The following CLASP2 variants were observed in gnomAD, a reference collection of about 807,000 sequenced individuals.
The protein encoded by CLASP2 is CLIP-associating protein 2.
Under a neutral mutation model 194.4 loss-of-function variants are expected in CLASP2, and 47 were observed. That is an observed-to-expected ratio of 0.24 (90% CI 0.19 to 0.31). The LOEUF (loss-of-function observed/expected upper bound fraction) is 0.31, where lower values mean the gene tolerates loss of function less well. Ranked by LOEUF, CLASP2 falls within the 10% of genes least tolerant of loss-of-function variation. The pLI is 1.00. For missense variants in CLASP2, 1,445 were observed against 1,823.6 expected (o/e 0.79, Z 3.78); for synonymous variants, 619 against 633.5 (o/e 0.98, Z 0.34).
chr3:33,555,405 AC>A (rs893793886), intron 29 of CLASP2, among the ~76,000 whole-genome samples: 37 of 149,472 alleles, frequency 2.5e-4, no homozygotes, highest in African/African-American at 9.1e-4. Context: ...TCATTCTGTC[AC>A]CCAGGGTAGA....
At chr3:33,599,797 TAAG>T (rs1488568442) in intron 18 of CLASP2, among the ~76,000 whole-genome samples, 1 of 151,632 alleles carries the variant, frequency 6.6e-6, no homozygotes, top group Non-Finnish European at 1.5e-5. Context: ...GGAAGGAGGG[TAAG>T]AAGGAGAACA....
intron 8 of CLASP2, among the ~76,000 whole-genome samples, chr3:33,638,132 A>AT (rs1245867230): frequency 3.3e-5 from 5 of 152,146 alleles, no homozygotes; most frequent in African/African-American, 1.2e-4. Context: ...AAAACCTAAT[A>AT]TGAGTGCCTA....
At chr3:33,504,739 T>A (rs147908431) in intron 37 of CLASP2, 1 of 152,342 alleles carries the variant, frequency 6.6e-6, no homozygotes, top group Admixed American at 6.5e-5. Context: ...CATTAGATTC[T>A]CATAAGAAGC....
At chr3:33,707,607 C>A (rs1266663074) in intron 1 of CLASP2, among the ~76,000 whole-genome samples, 1 of 152,124 alleles carries the variant, frequency 6.6e-6, no homozygotes, top group Non-Finnish European at 1.5e-5. Flanking sequence ...AGCTTGTGTG[C>A]CTTCCATATC....
chr3:33,510,519 T>C (rs1014728766), intron 37 of CLASP2, 39 bp downstream of exon 37: 6 of 1,579,640 alleles, frequency 3.8e-6, no homozygotes, highest in Non-Finnish European at 4.3e-6. Context: ...GTATCCCAAA[T>C]GTATCATGGC....
chr3:33,613,974 A>C (rs2075668030), intron 12 of CLASP2, among the ~76,000 whole-genome samples: 1 of 152,264 alleles, frequency 6.6e-6, no homozygotes, highest in Non-Finnish European at 1.5e-5. Context: ...TTACAGATGA[A>C]GCATTCAATC....
intron 29 of CLASP2, among the ~76,000 whole-genome samples, chr3:33,557,687 G>A (rs919277030): frequency 3.9e-5 from 6 of 152,152 alleles, no homozygotes; most frequent in African/African-American, 1.4e-4. Context: ...CACTGCCTTG[G>A]TCATAAAATG....
chr3:33,679,720 C>T (rs945386185), intron 6 of CLASP2, among the ~76,000 whole-genome samples: 1 of 152,132 alleles, frequency 6.6e-6, no homozygotes, highest in African/African-American at 2.4e-5. Flanking sequence ...AAACCCAAAA[C>T]ACTGACAAGA....
intron 6 of CLASP2, 106 bp downstream of exon 6, chr3:33,684,252 AT>A (rs1213265966): frequency 3.0e-4 from 172 of 575,620 alleles, no homozygotes; most frequent in East Asian, 5.8e-4. Flanking sequence ...TCTCAAAAAA[AT>A]AAATAAATAA....
At chr3:33,498,802 T>C in intron 38 of CLASP2, 85 bp from the exon 39 acceptor site, 1 of 663,442 alleles carries the variant, frequency 1.5e-6, no homozygotes. Context: ...TACATATATG[T>C]GAGCTCTGAA....
At chr3:33,613,904 A>C (rs2075651477) in intron 12 of CLASP2, among the ~76,000 whole-genome samples, 1 of 152,220 alleles carries the variant, frequency 6.6e-6, no homozygotes. Flanking sequence ...AACTAACCTA[A>C]CCATTGCTAC....
chr3:33,638,254 G>A (rs929947627), intron 8 of CLASP2, among the ~76,000 whole-genome samples: 4 of 151,976 alleles, frequency 2.6e-5, no homozygotes, highest in Admixed American at 1.3e-4. Flanking sequence ...AAAACTCTCC[G>A]TTGTTTGATT....
intron 34 of CLASP2, 82 bp from the exon 35 acceptor site, chr3:33,517,256 AAC>A (rs1431335061): frequency 2.0e-6 from 2 of 1,005,182 alleles, no homozygotes; most frequent in African/African-American, 3.3e-5. Context: ...TATATGATGA[AAC>A]ACAGATATAA....
Position 33,543,642 on chromosome 3 carries a change from G to A in CLASP2, c.3298-103C>T. 6 of 682,594 alleles carry A rather than the reference G, an allele frequency of 8.8e-6. No individual in the cohort carries two copies. The South Asian group carries it at 9.2e-5, about 10-fold the overall frequency. 42.3% of individuals were successfully genotyped at this position (682,594 alleles called of 1,614,324 possible). ...ACATTAGGTTGAACCATATTAAAGG[G>A]CCATATTTACAGGTCAATATTTTAA... On this transcript the variant is annotated intron_variant, in intron 31 of 38. Transcript: ENST00000682230.
rs117999989 is a variant in CLASP2, at chr3:33,579,004, C to T, written c.2348-2729G>A. Among the ~76,000 whole-genome samples the T allele has an allele frequency of 3.0e-3, 454 of 152,118 alleles. 9 individuals are homozygous for T. In the East Asian group the frequency reaches 0.064, roughly 22 times the overall value. On this transcript the variant is annotated intron_variant, in intron 23 of 38. Transcript: ENST00000682230. ...CCAAAGAAACAAATAATAGAAAGGACCAAAGAATGTAGGCAAATGTAGCAG... is the reference window on the plus strand; with the variant it reads ...CCAAAGAAACAAATAATAGAAAGGATCAAAGAATGTAGGCAAATGTAGCAG...
intron 24 of CLASP2, among the ~76,000 whole-genome samples, chr3:33,573,735 C>T (rs370633681): frequency 1.3e-5 from 2 of 152,004 alleles, no homozygotes; most frequent in East Asian, 1.9e-4. Flanking sequence ...AAAATATTAC[C>T]TTTTTAAAGA....
Position 33,516,142 on chromosome 3 carries a change from T to G in CLASP2, c.3991A>C (p.Arg1331=). 1.2e-6 allele frequency: 2 copies of G among 1,604,488 alleles called. No individual in the cohort carries two copies. The highest frequency in any genetic ancestry group is 1.7e-6 in the Non-Finnish European group (2 of 1,176,292). ...CTTAAAACCTTTAATGCCAAAGCCC[T>G]GATTGTAGGCTAAGAAGAAACATTT... ...ETLGDKEPTI[R]ALALKVLREI... is the part of the protein sequence containing the mutation. Residue 1331 remains arginine (R), a synonymous_variant, in exon 36 of 39, where the codon AGG becomes CGG. Coordinates refer to ENST00000682230, the MANE Select transcript of CLASP2 (RefSeq NM_001365631.1).
At chr3:33,598,082 G>A (rs1400655605) in intron 18 of CLASP2, among the ~76,000 whole-genome samples, 1 of 151,976 alleles carries the variant, frequency 6.6e-6, no homozygotes, top group African/African-American at 2.4e-5. Flanking sequence ...GCTTGAGGAA[G>A]GAGTAGCCCC....
At chr3:33,666,044 G>A (rs1315405842) in intron 6 of CLASP2, among the ~76,000 whole-genome samples, 4 of 152,112 alleles carry the variant, frequency 2.6e-5, no homozygotes, top group Non-Finnish European at 4.4e-5. Context: ...GTATTAGGAA[G>A]GTTCTAACTC....
Sources: allele counts gnomAD v4.1 joint callset (sites outside exome capture counted in the v4.1 genomes callset), GRCh38; gene constraint gnomAD v4.1.1; transcripts MANE v1.5; gene names NCBI Gene and HGNC (gene_info 2026-07-23, HGNC 2026-07-21).